The following ZBP1 variants were observed in gnomAD, a reference collection of about 807,000 sequenced individuals.
The protein encoded by ZBP1 is Z-DNA binding protein 1.
ZBP1 carries 42 observed loss-of-function variants against 41.1 expected under a neutral mutation model. The observed-to-expected ratio is 1.02, with a 90% CI of 0.80 to 1.32. ZBP1 has a LOEUF of 1.32. ZBP1 is among the 40% of genes most tolerant of loss of function. The pLI, the probability that ZBP1 is intolerant of heterozygous loss-of-function variation, is 0.00. For synonymous variants in ZBP1, 214 were observed against 205.2 expected (o/e 1.04, Z -0.37); for missense variants, 562 against 549.7 (o/e 1.02, Z -0.22).
rs2073145 is a variant in ZBP1, at chr20:57,615,578, C to T, written c.262G>A (p.Glu88Lys). Residue 88 changes from glutamate to lysine, a missense_variant and splice_region_variant, in exon 3 of 8, where the codon GAG (glutamate) becomes AAG (lysine). Coordinates refer to ENST00000371173, the MANE Select transcript of ZBP1 (RefSeq NM_030776.3). ...GTAGCTGCATGTTGCTGGGGCCTCT[C>T]GGCTGCAGAAAGAAAGATGGGTCAG... ...PAELALSSPA[E>K]RPQQHAATIP... 1,094,708 of 1,611,400 alleles carry T rather than the reference C, an allele frequency of 0.68. 379,339 individuals carry two copies. The highest frequency in any genetic ancestry group is 0.84 in the South Asian group (75,970 of 90,872).
At position 57,614,945 on chromosome 20, in the gene ZBP1, C is replaced by G. The variant is rs1008927521; in HGVS notation, c.444G>C (p.Lys148Asn). The change falls in exon 4 of 8, where the codon AAG (lysine) becomes AAC (asparagine). Residue 148 changes from lysine to asparagine, a missense_variant. Lys to Asn is a moderately conservative substitution (Grantham distance 94). Coordinates refer to ENST00000371173, the MANE Select transcript of ZBP1 (RefSeq NM_030776.3). Reference protein sequence around the residue: ...KDVNRDLYRMKSRHLLDMDEQ... With the variant: ...KDVNRDLYRMNSRHLLDMDEQ... ...CATCCATGTCCAGAAGGTGCCTGCT[C>G]TTCATCCTGTACAAGTCTCGGTTCA... The G allele has an allele frequency of 6.2e-7, 1 of 1,614,222 alleles. No individual in the cohort carries two copies. The highest frequency in any genetic ancestry group is 8.5e-7 in the Non-Finnish European group (1 of 1,180,044).
Position 57,610,507 on chromosome 20 carries a change from G to A in ZBP1, c.875-140C>T. ...CATCCCAGGAGCACAGCCTGTGCCT[G>A]CCCGCCACACCTCCACCCGCCACAC... On this transcript the variant is annotated intron_variant, in intron 6 of 7. Transcript: ENST00000371173. The surrounding 1 kb of genome is among the most constrained non-coding windows in gnomAD (Gnocchi z 5.5). The A allele has an allele frequency of 3.8e-6, 3 of 788,130 alleles. No homozygotes were observed. The highest frequency in any genetic ancestry group is 6.0e-6 in the Non-Finnish European group (3 of 496,296). The allele number at this position is 788,130 out of a possible 1,614,324, so 48.8% of individuals were successfully genotyped here. A position where few individuals can be genotyped will look rare whatever the true frequency, so the allele number is the denominator to read the frequency against.
intron 2 of ZBP1, 179 bp from the exon 3 acceptor site, chr20:57,615,759 C>T (rs548106318): frequency 3.5e-6 from 2 of 575,716 alleles, no homozygotes; most frequent in Non-Finnish European, 6.0e-6. Flanking sequence ...CTGCGGCTTC[C>T]TGCCGATTAA....
At position 57,616,239 on chromosome 20, in the gene ZBP1, G is replaced by A. The variant is rs562742935; in HGVS notation, c.259+5C>T. The A allele has an allele frequency of 1.2e-6, 2 of 1,613,588 alleles. No homozygotes were observed. The highest frequency in any genetic ancestry group is 2.7e-5 in the African/African-American group (2 of 74,970). On this transcript the variant is annotated splice_donor_5th_base_variant and intron_variant, in intron 2 of 7. Coordinates refer to ENST00000371173, the MANE Select transcript of ZBP1 (RefSeq NM_030776.3). The stretch of plus-strand genomic sequence containing the variant: ...TCAGACCCGCCTCCCCGGGGTGGCA[G>A]TTACCAGGGCTGGACAAGGCCAGCT...
Position 57,604,766 on chromosome 20 carries a change from C to T in ZBP1, c.1097G>A (p.Arg366His), listed in dbSNP as rs754610408. Residue 366 changes from arginine to histidine, a missense_variant, in exon 8 of 8, where the codon CGT (arginine) becomes CAT (histidine). Arg to His is a conservative substitution (Grantham distance 29). Transcript: ENST00000371173. ...TCTGGATTGTGTGTCTGCGGGACGA[C>T]GACCTAGGGAAGAGAAGATGGGGGA... ...GEGEPGEDAG[R>H]RPADTQSRSH... 3 of 1,612,586 alleles carry T rather than the reference C, an allele frequency of 1.9e-6. No individual in the cohort carries two copies. The highest frequency in any genetic ancestry group is 1.1e-5 in the South Asian group (1 of 90,906).
chr20:57,616,010 T>A, intron 2 of ZBP1: 2 of 593,684 alleles, frequency 3.4e-6, no homozygotes, highest in South Asian at 4.1e-5. Flanking sequence ...GCAGAGTACC[T>A]CCTGTGTGCA....
chr20:57,606,405 T>C (rs1302433242), intron 7 of ZBP1, among the ~76,000 whole-genome samples: 1 of 152,192 alleles, frequency 6.6e-6, no homozygotes, highest in Non-Finnish European at 1.5e-5. Context: ...AACATGCAAG[T>C]GTGAGGTGAA....
intron 7 of ZBP1, among the ~76,000 whole-genome samples, chr20:57,607,654 C>T (rs192023441): frequency 1.4e-4 from 21 of 152,278 alleles, no homozygotes; most frequent in Admixed American, 3.3e-4. Context: ...ATTGCTGCAG[C>T]GAACTTCATT....
chr20:57,610,018 T>G lies in ZBP1; in HGVS notation c.1093+131A>C. 4.9e-6 allele frequency: 5 copies of G among 1,029,366 alleles called. No individual in the cohort carries two copies. Among genetic ancestry groups the G allele is most frequent in the Non-Finnish European group, 7.2e-6 (5 of 693,544 alleles). The allele number at this position is 1,029,366 out of a possible 1,614,324, so 63.8% of individuals were successfully genotyped here. ...ACTCTAGAGCTGCTGCTCCTCGCTGTGGGTGGGCACAGCCTCCAGACTCCG... is the reference window on the plus strand; with the variant it reads ...ACTCTAGAGCTGCTGCTCCTCGCTGGGGGTGGGCACAGCCTCCAGACTCCG... On this transcript the variant is annotated intron_variant, in intron 7 of 7. Transcript: ENST00000371173. The surrounding 1 kb of genome is among the most constrained non-coding windows in gnomAD (Gnocchi z 5.5).
chr20:57,616,501 C>G (rs200493451), intron 1 of ZBP1, 33 bp from the exon 2 acceptor site: 5 of 1,609,786 alleles, frequency 3.1e-6, no homozygotes, highest in Non-Finnish European at 2.5e-6. Context: ...GAGAGGGGAA[C>G]TGAGTCTCCC....
At chr20:57,605,348 A>C (rs1192910218) in intron 7 of ZBP1, among the ~76,000 whole-genome samples, 1 of 152,172 alleles carries the variant, frequency 6.6e-6, no homozygotes, top group African/African-American at 2.4e-5. Flanking sequence ...TTCCAGCAGC[A>C]TATGCTCACT....
intron 7 of ZBP1, among the ~76,000 whole-genome samples, chr20:57,605,105 C>CCAACA (rs1555871686): frequency 6.7e-6 from 1 of 150,226 alleles, no homozygotes; most frequent in African/African-American, 2.4e-5. Flanking sequence ...GCAATTTCCT[C>CCAACA]AAACAAAACA....
chr20:57,608,648 C>T (rs1391783369), intron 7 of ZBP1, among the ~76,000 whole-genome samples: 3 of 152,240 alleles, frequency 2.0e-5, no homozygotes, highest in Non-Finnish European at 4.4e-5. Flanking sequence ...ATGCTCATGG[C>T]CTGAGTCCTG....
At chr20:57,612,665 C>T (rs902662543) in intron 5 of ZBP1, among the ~76,000 whole-genome samples, 5 of 152,194 alleles carry the variant, frequency 3.3e-5, no homozygotes, top group East Asian at 3.9e-4. Flanking sequence ...AGTGCAACAC[C>T]GCATTTCATC....
Position 57,604,614 on chromosome 20 carries a change from C to A in ZBP1, c.1249G>T (p.Glu417Ter). The A allele has an allele frequency of 6.2e-7, 1 of 1,614,210 alleles. No homozygotes were observed. Among genetic ancestry groups the A allele is most frequent in the South Asian group, 1.1e-5 (1 of 91,084 alleles). ...CACCAGCTCCCCTCGTGTGAGGCTTCATCCACATAGTGGCTGCCTTCTGCA... is the reference window on the plus strand; with the variant it reads ...CACCAGCTCCCCTCGTGTGAGGCTTAATCCACATAGTGGCTGCCTTCTGCA... ...KAAEGSHYVD[E>*]ASHEGSWWGG... Residue 417 changes from glutamate (E) to a stop codon, truncating the protein, a stop_gained, in exon 8 of 8, where the codon GAA (glutamate) becomes TAA (stop). Coordinates refer to ENST00000371173, the MANE Select transcript of ZBP1 (RefSeq NM_030776.3). LOFTEE classifies it low-confidence loss of function (END_TRUNC).
rs1206172125 is a variant in ZBP1, at chr20:57,611,908, G to T, written c.693C>A (p.Leu231=). 18 of 1,564,230 alleles carry T rather than the reference G, an allele frequency of 1.2e-5. No homozygotes were observed. Among genetic ancestry groups the T allele is most frequent in the Non-Finnish European group, 1.6e-5 (18 of 1,153,700 alleles). Residue 231 remains leucine, a synonymous_variant, in exon 6 of 8, where the codon CTC becomes CTA. Coordinates refer to ENST00000371173, the MANE Select transcript of ZBP1 (RefSeq NM_030776.3). ...AGGAATCACCTGGTGCCATTGAAGGGAGGTGGCGTGGACCGGCGGAACCTG... is the reference window on the plus strand; with the variant it reads ...AGGAATCACCTGGTGCCATTGAAGGTAGGTGGCGTGGACCGGCGGAACCTG... ...REDGSAGPRH[L]PSMAPGDSST... is the part of the protein sequence containing the mutation.
chr20:57,619,955 G>A (rs1264497387), intron 1 of ZBP1, among the ~76,000 whole-genome samples: 2 of 151,798 alleles, frequency 1.3e-5, no homozygotes, highest in Non-Finnish European at 2.9e-5. Flanking sequence ...TCCAGCCTCA[G>A]CATCCCGAGT....
At chr20:57,611,359 C>T (rs1364618692) in intron 6 of ZBP1, among the ~76,000 whole-genome samples, 1 of 151,118 alleles carries the variant, frequency 6.6e-6, no homozygotes, top group Non-Finnish European at 1.5e-5. Flanking sequence ...ATTCTCCTAC[C>T]TCAGCCTTCC....
chr20:57,613,206 T>C lies in ZBP1; in HGVS notation c.627A>G (p.Gly209=). 1 of 1,614,246 alleles carries C rather than the reference T, an allele frequency of 6.2e-7. No individual in the cohort carries two copies. Among genetic ancestry groups the C allele is most frequent in the Non-Finnish European group, 8.5e-7 (1 of 1,180,046 alleles). The change falls in exon 5 of 8, where the codon GGA becomes GGG. Residue 209 remains glycine (G), a synonymous_variant. Transcript: ENST00000371173. This position sits in a 1 kb window ranked among gnomAD's most constrained non-coding sequence, Gnocchi z 4.5. ...SIANSEAIQI[G]HGNIITRQTV... ...TCTGTCTTGTAATGATGTTCCCGTG[T>C]CCAATCTGGATGGCTTCGGAGTTTG...
Sources: gnomAD v4.1 joint callset for allele counts (sites outside exome capture counted in the v4.1 genomes callset) on GRCh38, gnomAD v4.1.1 for gene constraint, Gnocchi (gnomAD v3.1) non-coding constraint, MANE v1.5 for transcripts, NCBI Gene and HGNC (gene_info 2026-07-23, HGNC 2026-07-21) for gene names.